The following SEZ6 variants were observed in gnomAD, a reference collection of about 807,000 sequenced individuals.
SEZ6 encodes the protein seizure related 6 homolog.
Under a neutral mutation model 101.0 loss-of-function variants are expected in SEZ6, and 53 were observed. The ratio of observed to expected loss-of-function variants is 0.52; its 90% CI spans 0.42 to 0.66. The LOEUF (loss-of-function observed/expected upper bound fraction) is 0.66. Ranked by LOEUF, SEZ6 falls within the 30% of genes least tolerant of loss-of-function variation. The pLI is 0.00. For synonymous variants in SEZ6, 488 were observed against 512.2 expected, an observed-to-expected ratio of 0.95 and a Z score of 0.64; for missense variants, 1,102 against 1,289.4, an observed-to-expected ratio of 0.85 and a Z score of 2.23.
intron 5 of SEZ6, among the ~76,000 whole-genome samples, chr17:28,962,403 G>A (rs763275812): frequency 3.3e-5 from 5 of 152,124 alleles, no homozygotes; most frequent in Non-Finnish European, 7.3e-5. Flanking sequence ...CAGCCTCCCC[G>A]CTAGATCCTC....
chr17:28,955,725 A>G lies in SEZ6; in HGVS notation c.*237T>C. ...CCAGCTATGTTCTTCCCACAGGTAG[A>G]TGCCCCCTGACATGGGCCCAATGAA... is the stretch of plus-strand genomic sequence containing the variant. On this transcript the variant is annotated 3_prime_UTR_variant, in exon 17 of 17. Transcript: ENST00000317338. 1 of 685,322 alleles carries G rather than the reference A, an allele frequency of 1.5e-6. No homozygotes were observed. The highest frequency in any genetic ancestry group is 2.7e-6 in the Non-Finnish European group (1 of 374,344). 42.5% of individuals were successfully genotyped at this position (685,322 alleles called of 1,614,324 possible). A position where few individuals can be genotyped will look rare whatever the true frequency, so the allele number is the denominator to read the frequency against.
intron 1 of SEZ6, among the ~76,000 whole-genome samples, chr17:28,985,084 T>C (rs551447870): frequency 9.2e-5 from 14 of 152,324 alleles, no homozygotes; most frequent in African/African-American, 3.1e-4. Flanking sequence ...AGTCTCGCAG[T>C]GACGCAGCTG....
chr17:28,981,658 G>T lies in SEZ6; in HGVS notation c.437C>A (p.Ser146Tyr), dbSNP rs1389368874. ...KEGPWSPESE[S>Y]PMLRITAPLP... Reference sequence around the variant, plus strand: ...GGGAGCTGTGATTCGAAGCATAGGGGACTCTGACTCCGGACTCCAGGGTCC... The same window carrying T: ...GGGAGCTGTGATTCGAAGCATAGGGTACTCTGACTCCGGACTCCAGGGTCC... The change falls in exon 2 of 17, where the codon TCC becomes TAC. Residue 146 changes from serine (S) to tyrosine (Y), a missense_variant. Coordinates refer to ENST00000317338, the MANE Select transcript of SEZ6 (RefSeq NM_178860.5). 1 of 1,577,354 alleles carries T rather than the reference G, an allele frequency of 6.3e-7. No individual in the cohort carries two copies. Among genetic ancestry groups the T allele is most frequent in the Non-Finnish European group, 8.6e-7 (1 of 1,157,856 alleles).
intron 4 of SEZ6, among the ~76,000 whole-genome samples, chr17:28,968,791 C>T (rs1259088056): frequency 2.0e-5 from 3 of 152,192 alleles, no homozygotes; most frequent in African/African-American, 7.2e-5. Context: ...CAAGACAATC[C>T]CTTGATTGTT....
chr17:28,976,959 C>T (rs1010338286), intron 3 of SEZ6, among the ~76,000 whole-genome samples: 12 of 152,220 alleles, frequency 7.9e-5, no homozygotes, highest in Admixed American at 4.6e-4. Flanking sequence ...CTGGGCATTC[C>T]GTGGTCATTG....
At chr17:28,970,021 C>T in intron 3 of SEZ6, 69 bp from the exon 4 acceptor site, 1 of 1,396,676 alleles carries the variant, frequency 7.2e-7, no homozygotes. Context: ...TCCTGCCGCC[C>T]TCAGGATCCT....
intron 5 of SEZ6, among the ~76,000 whole-genome samples, chr17:28,962,355 T>C (rs2040990486): frequency 6.6e-6 from 1 of 152,226 alleles, no homozygotes; most frequent in Non-Finnish European, 1.5e-5. Context: ...ACTCTGCCTT[T>C]ACTCCTATTG....
At position 28,982,013 on chromosome 17, in the gene SEZ6, C is replaced by T; in HGVS notation, c.82G>A (p.Gly28Arg). The T allele has an allele frequency of 1.9e-6, 3 of 1,606,582 alleles. No individual in the cohort carries two copies. The highest frequency in any genetic ancestry group is 8.5e-7 in the Non-Finnish European group (1 of 1,176,426). Reference sequence around the variant, plus strand: ...TCGATGCCTGGGGCTTGTCCTTTCCCCACGGTTGGGGCCTCTAAAGAGAGT... The same window carrying T: ...TCGATGCCTGGGGCTTGTCCTTTCCTCACGGTTGGGGCCTCTAAAGAGAGT... ...HGLSLEAPTV[G>R]KGQAPGIEET... Residue 28 changes from glycine to arginine, a missense_variant, in exon 2 of 17, where the codon GGG becomes AGG. This residue lies in a region of SEZ6 where 406 missense variants were observed against 418.6 expected (regional missense o/e 0.97). Coordinates refer to ENST00000317338, the MANE Select transcript of SEZ6 (RefSeq NM_178860.5).
At chr17:29,004,548 G>A (rs1307201660) in intron 1 of SEZ6, among the ~76,000 whole-genome samples, 1 of 152,180 alleles carries the variant, frequency 6.6e-6, no homozygotes, top group Non-Finnish European at 1.5e-5. Flanking sequence ...CGTCTCCGGG[G>A]CCACAGTTTT....
chr17:29,002,296 T>G (rs748024087), intron 1 of SEZ6, among the ~76,000 whole-genome samples: 7 of 152,156 alleles, frequency 4.6e-5, no homozygotes, highest in Non-Finnish European at 1.0e-4. Flanking sequence ...GCAGGCTTTC[T>G]GATATGCTCC....
At position 28,957,181 on chromosome 17, in the gene SEZ6, C is replaced by T. The variant is rs1419546501; in HGVS notation, c.2556G>A (p.Glu852=). 2.5e-6 allele frequency: 4 copies of T among 1,613,886 alleles called. No homozygotes were observed. In the African/African-American group the frequency reaches 5.3e-5, roughly 22 times the overall value. Residue 852 remains glutamate, a synonymous_variant, in exon 13 of 17, where the codon GAG becomes GAA. Coordinates refer to ENST00000317338, the MANE Select transcript of SEZ6 (RefSeq NM_178860.5). ...SAPENGARSP[E]KQLHPAGATI... ...TGGCCCCTGCTGGGTGTAGCTGCTT[C>T]TCAGGACTTCGGGCACCATTCTCAG...
intron 10 of SEZ6, 78 bp from the exon 11 acceptor site, chr17:28,958,219 G>T: frequency 6.7e-7 from 1 of 1,503,506 alleles, no homozygotes; most frequent in Non-Finnish European, 9.0e-7. Context: ...AGGGCACTCT[G>T]GCTCCTGCTA....
At chr17:28,963,520 C>T (rs1456706644) in intron 5 of SEZ6, among the ~76,000 whole-genome samples, 1 of 152,204 alleles carries the variant, frequency 6.6e-6, no homozygotes, top group Non-Finnish European at 1.5e-5. Context: ...CCTCACCTGC[C>T]TGCCTCTATG....
rs931761819 is a variant in SEZ6 at position 28,957,035 on chromosome 17, G to A, written c.2692+10C>T. ...CCAGGGAGGGTTTTGAGGGGTGACAGGGCACTCACCAGCCCTACAGATGGG... is the reference window on the plus strand; with the variant it reads ...CCAGGGAGGGTTTTGAGGGGTGACAAGGCACTCACCAGCCCTACAGATGGG... On this transcript the variant is annotated intron_variant, in intron 13 of 16. Transcript: ENST00000317338. 4 of 1,571,108 alleles carry A rather than the reference G, an allele frequency of 2.5e-6. No homozygotes were observed. Among genetic ancestry groups the A allele is most frequent in the South Asian group, 2.4e-5 (2 of 84,918 alleles).
intron 1 of SEZ6, among the ~76,000 whole-genome samples, chr17:28,991,108 T>C (rs1020560582): frequency 4.6e-5 from 7 of 152,214 alleles, no homozygotes; most frequent in Admixed American, 1.3e-4. Context: ...TTTCGCTGTG[T>C]TGGCCAGGCT....
chr17:28,992,378 G>A (rs188093679), intron 1 of SEZ6, among the ~76,000 whole-genome samples: 13 of 152,196 alleles, frequency 8.5e-5, no homozygotes, highest in South Asian at 2.1e-4. Flanking sequence ...GTGTGTGGGC[G>A]TACGTGTGTG....
intron 3 of SEZ6, among the ~76,000 whole-genome samples, chr17:28,975,385 G>T (rs1189258919): frequency 2.0e-5 from 3 of 152,196 alleles, no homozygotes; most frequent in Non-Finnish European, 4.4e-5. Context: ...TGCATCATCT[G>T]GTTCAATCTC....
chr17:28,957,196 A>G lies in SEZ6; in HGVS notation c.2541T>C (p.Gly847=). The G allele has an allele frequency of 6.2e-7, 1 of 1,613,984 alleles. No homozygotes were observed. Among genetic ancestry groups the G allele is most frequent in the African/African-American group, 1.3e-5 (1 of 75,056 alleles). The change falls in exon 13 of 17, where the codon GGT becomes GGC. Residue 847 remains glycine, a synonymous_variant. Coordinates refer to ENST00000317338, the MANE Select transcript of SEZ6 (RefSeq NM_178860.5). ...GTAGCTGCTTCTCAGGACTTCGGGC[A>G]CCATTCTCAGGGGCACTGAGACCAT... is the stretch of plus-strand genomic sequence containing the variant. The part of the protein sequence containing the change: ...PCHGLSAPEN[G]ARSPEKQLHP...
chr17:29,001,264 A>T (rs998848185), intron 1 of SEZ6, among the ~76,000 whole-genome samples: 1 of 152,154 alleles, frequency 6.6e-6, no homozygotes, highest in Non-Finnish European at 1.5e-5. Flanking sequence ...ACTTCTCCCA[A>T]ACAGGAATTC....
Sources: allele counts gnomAD v4.1 joint callset (sites outside exome capture counted in the v4.1 genomes callset), GRCh38; gene constraint gnomAD v4.1.1; regional missense constraint gnomAD v4.1.1; transcripts MANE v1.5; gene names NCBI Gene and HGNC (gene_info 2026-07-23, HGNC 2026-07-21).